APCDD1: variants seen among roughly 807,000 people sequenced by gnomAD.
The protein encoded by APCDD1 is protein APCDD1.
APCDD1 carries 15 observed loss-of-function variants against 38.1 expected under a neutral mutation model. That is an observed-to-expected ratio of 0.39 (90% CI 0.26 to 0.61). APCDD1 has a LOEUF of 0.61. APCDD1 is among the 20% of genes least tolerant of loss of function. The pLI is 0.49. For missense variants in APCDD1, 647 were observed against 696.2 expected (o/e 0.93, Z 0.79); for synonymous variants, 261 against 279.7 (o/e 0.93, Z 0.67).
chr18:10,487,563 C>A, intron 4 of APCDD1, 27 bp from the exon 5 acceptor site: 1 of 1,612,108 alleles, frequency 6.2e-7, no homozygotes, highest in African/African-American at 1.3e-5. Flanking sequence ...TCCCTGGAGT[C>A]ATGGAACTCT....
chr18:10,459,454 A>G (rs1352043766), intron 1 of APCDD1, among the ~76,000 whole-genome samples: 1 of 152,234 alleles, frequency 6.6e-6, no homozygotes, highest in Non-Finnish European at 1.5e-5. Flanking sequence ...ATGGCACTAT[A>G]AAGTGGCACA....
At chr18:10,480,902 GA>G (rs1016793655) in intron 3 of APCDD1, among the ~76,000 whole-genome samples, 36 of 100,652 alleles carry the variant, frequency 3.6e-4, no homozygotes, top group African/African-American at 7.8e-4. Context: ...CTCAAAAAAA[GA>G]AAAAAAAAAG....
chr18:10,462,467 CTCCT>C lies in APCDD1; in HGVS notation c.59-5989_59-5986del, dbSNP rs1287504447. Reference sequence around the variant, plus strand: ...TCTCCTTTCCTCCCTCCCTCCCTCCCTCCTTCCTTCCTTCCTGTGACCCTCCCTT... The same window carrying C: ...TCTCCTTTCCTCCCTCCCTCCCTCCCTCCTTCCTTCCTGTGACCCTCCCTT... On this transcript the variant is annotated intron_variant, in intron 1 of 4. Transcript: ENST00000355285. Among the ~76,000 whole-genome samples the C allele has an allele frequency of 9.9e-5, 4 of 40,338 alleles. 2 individuals carry two copies. Among genetic ancestry groups the C allele is most frequent in the African/African-American group, 4.9e-4 (2 of 4,108 alleles). 26.5% of individuals were successfully genotyped at this position (40,338 alleles called of 152,430 possible).
At position 10,454,932 on chromosome 18, in the gene APCDD1, G is replaced by A. The variant is rs1355421112; in HGVS notation, c.-50G>A. The A allele has an allele frequency of 1.4e-6, 2 of 1,480,010 alleles. No individual in the cohort carries two copies. The highest frequency in any genetic ancestry group is 1.8e-6 in the Non-Finnish European group (2 of 1,111,488). 91.7% of individuals were successfully genotyped at this position (1,480,010 alleles called of 1,614,324 possible). ...GGCAGAGCGCGCGCCCAGTTGCCCG[G>A]GCACCAAATCGGAGCGCGGCGTGCG... On this transcript the variant is annotated 5_prime_UTR_variant, in exon 1 of 5. Coordinates refer to ENST00000355285, the MANE Select transcript of APCDD1 (RefSeq NM_153000.5).
rs1248517249 is a variant in APCDD1 at position 10,476,272 on chromosome 18, T to TA, written c.774+4213dup. The TA allele has an allele frequency of 2.0e-4, 31 of 152,244 alleles. No homozygotes were observed. The highest frequency in any genetic ancestry group is 9.8e-4 in the Admixed American group (15 of 15,286). The allele number at this position is 152,244 out of a possible 1,614,324, so 9.4% of individuals were successfully genotyped here. ...GGACACCGTGTAAAAATAGAAACTTTAAGTCAACTTGTTTTTCTAAGCTTT... is the reference window on the plus strand; with the variant it reads ...GGACACCGTGTAAAAATAGAAACTTTAAAGTCAACTTGTTTTTCTAAGCTTT... On this transcript the variant is annotated intron_variant, in intron 3 of 4. Coordinates refer to ENST00000355285, the MANE Select transcript of APCDD1 (RefSeq NM_153000.5). The surrounding 1 kb of genome is among the most constrained non-coding windows in gnomAD (Gnocchi z 5.8).
At chr18:10,468,701 G>A (rs375478769) in intron 2 of APCDD1, 49 bp downstream of exon 2, 9 of 1,586,994 alleles carry the variant, frequency 5.7e-6, no homozygotes, top group Non-Finnish European at 7.8e-6. Flanking sequence ...ACACCACTAT[G>A]GAAGACCCTT....
chr18:10,456,631 G>A (rs951387832), intron 1 of APCDD1, among the ~76,000 whole-genome samples: 2 of 152,132 alleles, frequency 1.3e-5, no homozygotes, highest in South Asian at 2.1e-4. Context: ...TTGTACACAA[G>A]GTAACTCTGA....
chr18:10,477,108 A>G (rs1006474779), intron 3 of APCDD1: 1 of 152,304 alleles, frequency 6.6e-6, no homozygotes, highest in South Asian at 2.1e-4. Flanking sequence ...GGGGTATAGA[A>G]GGAGCCAGGT....
intron 3 of APCDD1, among the ~76,000 whole-genome samples, chr18:10,479,534 G>C (rs2031085742): frequency 6.6e-6 from 1 of 152,218 alleles, no homozygotes; most frequent in Non-Finnish European, 1.5e-5. Context: ...TCATCAGCCG[G>C]AGAAGACCTT....
intron 1 of APCDD1, among the ~76,000 whole-genome samples, chr18:10,458,587 A>G (rs143335822): frequency 1.4e-3 from 211 of 152,286 alleles, no homozygotes; most frequent in African/African-American, 5.1e-3. Context: ...TGTTAAAGAG[A>G]TTGACAAGCC....
chr18:10,480,054 C>T (rs374280931), intron 3 of APCDD1, among the ~76,000 whole-genome samples: 1 of 152,310 alleles, frequency 6.6e-6, no homozygotes, highest in East Asian at 1.9e-4. Flanking sequence ...TCTGGTTCCT[C>T]TGCTTTAACC....
intron 1 of APCDD1, 126 bp downstream of exon 1, chr18:10,455,165 C>G: frequency 7.1e-7 from 1 of 1,403,104 alleles, no homozygotes; most frequent in Non-Finnish European, 9.4e-7. Flanking sequence ...GGGGCGGGTC[C>G]GAGGGGAGCC....
chr18:10,463,251 C>G (rs1272596595), intron 1 of APCDD1, among the ~76,000 whole-genome samples: 1 of 152,060 alleles, frequency 6.6e-6, no homozygotes, highest in Non-Finnish European at 1.5e-5. Context: ...CAGACCCTGC[C>G]CCCTCTGTCT....
At chr18:10,483,402 G>A (rs1220367804) in intron 3 of APCDD1, among the ~76,000 whole-genome samples, 3 of 152,222 alleles carry the variant, frequency 2.0e-5, no homozygotes, top group Admixed American at 6.5e-5. Context: ...TCTCAATGCT[G>A]CAGCTCTTTG....
At position 10,472,236 on chromosome 18, in the gene APCDD1, G is replaced by C. The variant is rs542359415; in HGVS notation, c.774+175G>C. Reference sequence around the variant, plus strand: ...GAGATGGGAAAGGCTGGGGCTGAGGGTGCTTTAGCCAGTCAGGAGACCTGG... The same window carrying C: ...GAGATGGGAAAGGCTGGGGCTGAGGCTGCTTTAGCCAGTCAGGAGACCTGG... On this transcript the variant is annotated intron_variant, in intron 3 of 4. Transcript: ENST00000355285. The surrounding 1 kb of genome is among the most constrained non-coding windows in gnomAD (Gnocchi z 6.6). Among the ~76,000 whole-genome samples the C allele has an allele frequency of 6.6e-6, 1 of 152,296 alleles. No homozygotes were observed. Among genetic ancestry groups the C allele is most frequent in the Non-Finnish European group, 1.5e-5 (1 of 68,022 alleles).
At position 10,468,469 on chromosome 18, in the gene APCDD1, G is replaced by T. The variant is rs750005652; in HGVS notation, c.59G>T (p.Gly20Val). The T allele has an allele frequency of 6.2e-7, 1 of 1,614,130 alleles. No individual in the cohort carries two copies. The highest frequency in any genetic ancestry group is 8.5e-7 in the Non-Finnish European group (1 of 1,180,036). Residue 20 changes from glycine to valine, a missense_variant and splice_region_variant, in exon 2 of 5, where the codon GGG becomes GTG. Gly to Val is a moderately radical substitution (Grantham distance 109). Coordinates refer to ENST00000355285, the MANE Select transcript of APCDD1 (RefSeq NM_153000.5). ...CTAACTTTCCACCTTTATTTTTCAG[G>T]GCTGGGAGAGGGTTCTGCCCTCCTT... ...RYLFPALLLH[G>V]LGEGSALLHP...
chr18:10,484,952 G>A (rs2031216635), intron 3 of APCDD1, among the ~76,000 whole-genome samples: 1 of 152,134 alleles, frequency 6.6e-6, no homozygotes, highest in African/African-American at 2.4e-5. Flanking sequence ...TGAGATTGCT[G>A]GGTCATATGG....
At position 10,487,819 on chromosome 18, in the gene APCDD1, G is replaced by A; in HGVS notation, c.1326G>A (p.Arg442=). 1 of 1,614,062 alleles carries A rather than the reference G, an allele frequency of 6.2e-7. No individual in the cohort carries two copies. Among genetic ancestry groups the A allele is most frequent in the Non-Finnish European group, 8.5e-7 (1 of 1,180,042 alleles). ...RGRYLLFNGQ[R]PSDGSSPDRP... ...GCTATCTGCTGTTCAACGGTCAGAG[G>A]CCCAGCGACGGGTCCAGCCCAGACA... Residue 442 remains arginine, a synonymous_variant, in exon 5 of 5, where the codon AGG becomes AGA. Coordinates refer to ENST00000355285, the MANE Select transcript of APCDD1 (RefSeq NM_153000.5).
Position 10,487,815 on chromosome 18 carries a change from A to G in APCDD1, c.1322A>G (p.Gln441Arg), listed in dbSNP as rs1362599843. 1.2e-6 allele frequency: 2 copies of G among 1,614,114 alleles called. No homozygotes were observed. The highest frequency in any genetic ancestry group is 1.7e-6 in the Non-Finnish European group (2 of 1,180,038). The change falls in exon 5 of 5, where the codon CAG becomes CGG. Residue 441 changes from glutamine (Q) to arginine (R), a missense_variant. Gln to Arg is a conservative substitution (Grantham distance 43). Transcript: ENST00000355285. Reference sequence around the variant, plus strand: ...GGGCGCTATCTGCTGTTCAACGGTCAGAGGCCCAGCGACGGGTCCAGCCCA... The same window carrying G: ...GGGCGCTATCTGCTGTTCAACGGTCGGAGGCCCAGCGACGGGTCCAGCCCA... ...ARGRYLLFNG[Q>R]RPSDGSSPDR... is the part of the protein sequence containing the mutation.
Sources: allele counts gnomAD v4.1 joint callset (sites outside exome capture counted in the v4.1 genomes callset), GRCh38; gene constraint gnomAD v4.1.1; non-coding constraint Gnocchi (gnomAD v3.1); transcripts MANE v1.5; gene names NCBI Gene and HGNC (gene_info 2026-07-23, HGNC 2026-07-21).